Variants in DHX30 observed in about 807,000 individuals in gnomAD.
DHX30 encodes the protein DExH-box helicase 30.
Under a neutral mutation model 116.9 loss-of-function variants are expected in DHX30, and 4 were observed. The observed-to-expected ratio is 0.03, with a 90% confidence interval of 0.02 to 0.08. The LOEUF (loss-of-function observed/expected upper bound fraction) is 0.08, where lower values mean the gene tolerates loss of function less well. DHX30 is among the 10% of genes least tolerant of loss of function. The pLI, the probability that DHX30 is intolerant of heterozygous loss-of-function variation, is 1.00. For synonymous variants in DHX30, 697 were observed against 651.7 expected (o/e 1.07, Z -1.06); for missense variants, 871 against 1,595.1 (o/e 0.55, Z 7.73).
chr3:47,807,703 C>CAAAAAAAAAAAA (rs1202083372), intron 2 of DHX30, among the ~76,000 whole-genome samples: 13 of 32,724 alleles, frequency 4.0e-4, no homozygotes, highest in Non-Finnish European at 5.6e-4. Context: ...GACTCTGTCT[C>CAAAAAAAAAAAA]AAAAAAAAAA....
chr3:47,816,286 A>AG, intron 3 of DHX30: 1 of 985,230 alleles, frequency 1.0e-6, no homozygotes, highest in Non-Finnish European at 1.2e-6. Context: ...GTGCTTGGGA[A>AG]GATGCTTTGG....
rs748607787 is a variant in DHX30 at position 47,848,003 on chromosome 3, C to T, written c.2286+47C>T. 11 of 1,605,558 alleles carry T rather than the reference C, an allele frequency of 6.9e-6. No homozygotes were observed. Among genetic ancestry groups the T allele is most frequent in the African/African-American group, 4.0e-5 (3 of 74,782 alleles). The stretch of plus-strand genomic sequence containing the variant: ...CGGCCAACCACTGGGGGAGGGACTC[C>T]GTTTTGAGGTGGTCCCCAGCCCAGA... On this transcript the variant is annotated intron_variant, in intron 14 of 21. Coordinates refer to ENST00000445061, the MANE Select transcript of DHX30 (RefSeq NM_138615.3). This position sits in a 1 kb window ranked among gnomAD's most constrained non-coding sequence, Gnocchi z 9.4.
At position 47,849,360 on chromosome 3, in the gene DHX30, T is replaced by G. The variant is rs374950028; in HGVS notation, c.3087+11T>G. ...CCCAACCTCATCCAGGTGCTGCCTC[T>G]GGGAGGGAATGGAGTTCACCAGGTC... is the stretch of plus-strand genomic sequence containing the variant. On this transcript the variant is annotated intron_variant, in intron 19 of 21. Coordinates refer to ENST00000445061, the MANE Select transcript of DHX30 (RefSeq NM_138615.3). The G allele has an allele frequency of 1.3e-5, 21 of 1,607,010 alleles. No individual in the cohort carries two copies. Among genetic ancestry groups the G allele is most frequent in the Non-Finnish European group, 3.4e-6 (4 of 1,175,658 alleles).
At chr3:47,808,965 T>G (rs547730072) in intron 2 of DHX30, among the ~76,000 whole-genome samples, 1 of 152,154 alleles carries the variant, frequency 6.6e-6, no homozygotes, top group Non-Finnish European at 1.5e-5. Flanking sequence ...CTCGGCTCAC[T>G]GCAACCTCTG....
intron 4 of DHX30, among the ~76,000 whole-genome samples, chr3:47,821,182 C>T (rs1464234044): frequency 2.0e-5 from 3 of 152,198 alleles, no homozygotes; most frequent in Non-Finnish European, 4.4e-5. Context: ...TCTCCAACTC[C>T]TGGGCTCAAG....
At chr3:47,829,243 G>A in intron 6 of DHX30, 109 bp downstream of exon 6, 1 of 426,816 alleles carries the variant, frequency 2.3e-6, no homozygotes, top group Admixed American at 4.8e-5. Context: ...CCTGCCCTGA[G>A]CCCTTCCCAC....
Position 47,847,404 on chromosome 3 carries a change from T to G in DHX30, c.2006-28T>G. 3 of 1,614,134 alleles carry G rather than the reference T, an allele frequency of 1.9e-6. No homozygotes were observed. The highest frequency in any genetic ancestry group is 2.5e-6 in the Non-Finnish European group (3 of 1,179,958). On this transcript the variant is annotated intron_variant, in intron 12 of 21. Transcript: ENST00000445061. The surrounding 1 kb of genome is among the most constrained non-coding windows in gnomAD (Gnocchi z 5.5). ...CCCTGGCCACGTTTGCAGCAACAGCTGGCTCATGCCCCAGGGCTCCTTTAC... is the reference window on the plus strand; with the variant it reads ...CCCTGGCCACGTTTGCAGCAACAGCGGGCTCATGCCCCAGGGCTCCTTTAC...
At chr3:47,804,477 C>G (rs889376243) in intron 1 of DHX30, among the ~76,000 whole-genome samples, 5 of 152,294 alleles carry the variant, frequency 3.3e-5, no homozygotes, top group Admixed American at 6.5e-5. Context: ...ATTGCTTGAA[C>G]CCAGGAGGCC....
At position 47,848,567 on chromosome 3, in the gene DHX30, C is replaced by T. The variant is rs770676674; in HGVS notation, c.2575+17C>T. 1.5e-6 allele frequency: 2 copies of T among 1,359,726 alleles called. No individual in the cohort carries two copies. Among genetic ancestry groups the T allele is most frequent in the Non-Finnish European group, 2.0e-6 (2 of 976,554 alleles). 84.2% of individuals were successfully genotyped at this position (1,359,726 alleles called of 1,614,324 possible). A position where few individuals can be genotyped will look rare whatever the true frequency, so the allele number is the denominator to read the frequency against. On this transcript the variant is annotated intron_variant, in intron 16 of 21. Coordinates refer to ENST00000445061, the MANE Select transcript of DHX30 (RefSeq NM_138615.3). The surrounding 1 kb of genome is among the most constrained non-coding windows in gnomAD (Gnocchi z 9.4). ...AGGAGATCGGTATGTAGGGGCTGGGCTGGGCTGGGCTGGGGAGTGGCTCTC... is the reference window on the plus strand; with the variant it reads ...AGGAGATCGGTATGTAGGGGCTGGGTTGGGCTGGGCTGGGGAGTGGCTCTC...
intron 1 of DHX30, 50 bp from the exon 2 acceptor site, chr3:47,805,276 T>G (rs2035465885): frequency 2.5e-6 from 1 of 398,822 alleles, no homozygotes; most frequent in African/African-American, 2.1e-5. Context: ...GGAGCAACTT[T>G]CTTTCCCTAT....
rs760235118 is a variant in DHX30, at chr3:47,841,007, G to A, written c.497G>A (p.Arg166Gln). The change falls in exon 7 of 22, where the codon CGG becomes CAG. Residue 166 changes from arginine to glutamine, a missense_variant. Around this residue, in one of 13 missense-constraint regions of DHX30, gnomAD observed 109 missense variants for 118.8 expected, o/e 0.92. Coordinates refer to ENST00000445061, the MANE Select transcript of DHX30 (RefSeq NM_138615.3). ...CCCACCATGCCCCCTACTTCCTGGC[G>A]GCAGCTGAATCCAGAGAGTATTCGA... ...PEPTMPPTSWRQLNPESIRPG... is the reference protein window; with the variant it reads ...PEPTMPPTSWQQLNPESIRPG... 14 of 1,614,114 alleles carry A rather than the reference G, an allele frequency of 8.7e-6. No homozygotes were observed. Among genetic ancestry groups the A allele is most frequent in the South Asian group, 5.5e-5 (5 of 91,090 alleles).
intron 6 of DHX30, among the ~76,000 whole-genome samples, chr3:47,833,852 C>G (rs1426690093): frequency 4.6e-5 from 7 of 151,474 alleles, no homozygotes; most frequent in Non-Finnish European, 1.0e-4. Context: ...GAGCAAAACT[C>G]CATCTCCAAA....
At position 47,849,924 on chromosome 3, in the gene DHX30, G is replaced by A; in HGVS notation, c.3389G>A (p.Gly1130Asp). The change falls in exon 22 of 22, where the codon GGT becomes GAT. Residue 1130 changes from glycine (G) to aspartate (D), a missense_variant. Physicochemically the swap from Gly to Asp is moderately conservative, Grantham distance 94 (BLOSUM62 -1). This residue lies in a region of DHX30 where 238 missense variants were observed against 481.0 expected (regional missense o/e 0.49). Coordinates refer to ENST00000445061, the MANE Select transcript of DHX30 (RefSeq NM_138615.3). ...GACAGTGACCTGCTGCGGCTGGAGG[G>A]TGACTCGCGTACCGTGCGGCTGCTG... ...LSDSDLLRLE[G>D]DSRTVRLLKE... is the part of the protein sequence containing the mutation. The A allele has an allele frequency of 6.2e-7, 1 of 1,613,360 alleles. No individual in the cohort carries two copies. The highest frequency in any genetic ancestry group is 8.5e-7 in the Non-Finnish European group (1 of 1,179,830).
Position 47,846,185 on chromosome 3 carries a change from G to C in DHX30, c.1113G>C (p.Trp371Cys), listed in dbSNP as rs1193441976. The change falls in exon 11 of 22, where the codon TGG (tryptophan) becomes TGC (cysteine). Residue 371 changes from tryptophan (W) to cysteine (C), a missense_variant. By Grantham distance (215) the Trp-to-Cys change is radical. Around this residue, in one of 13 missense-constraint regions of DHX30, gnomAD observed 175 missense variants for 292.9 expected, o/e 0.60. Coordinates refer to ENST00000445061, the MANE Select transcript of DHX30 (RefSeq NM_138615.3). Reference sequence around the variant, plus strand: ...TCCAGTACCCTGTGGAGAGTTCATGGATCGCCCCAGAACTCCGGCTGCAGA... The same window carrying C: ...TCCAGTACCCTGTGGAGAGTTCATGCATCGCCCCAGAACTCCGGCTGCAGA... The part of the protein sequence containing the change: ...FLNHYPVESS[W>C]IAPELRLQSD... 1.9e-6 allele frequency: 3 copies of C among 1,613,274 alleles called. No homozygotes were observed. The highest frequency in any genetic ancestry group is 2.5e-6 in the Non-Finnish European group (3 of 1,179,936).
intron 3 of DHX30, 71 bp from the exon 4 acceptor site, chr3:47,817,951 G>A (rs2036132110): frequency 7.7e-6 from 6 of 780,462 alleles, no homozygotes; most frequent in Non-Finnish European, 9.6e-6. Flanking sequence ...TGCTCTGAGT[G>A]AGTCAGTTCA....
rs1559729355 is a variant in DHX30 at position 47,850,121 on chromosome 3, G to GC, written c.*4dup. On this transcript the variant is annotated 3_prime_UTR_variant, in exon 22 of 22. Coordinates refer to ENST00000445061, the MANE Select transcript of DHX30 (RefSeq NM_138615.3). ...TGTGCGCAAGACAGCTGACGACTGA[G>GC]CCCTGCTTCTGCTGGGGCTGTGTAC... is the stretch of plus-strand genomic sequence containing the variant. 4 of 1,584,278 alleles carry GC rather than the reference G, an allele frequency of 2.5e-6. No homozygotes were observed. The highest frequency in any genetic ancestry group is 3.4e-6 in the Non-Finnish European group (4 of 1,167,968).
chr3:47,841,396 C>T (rs895570761), intron 7 of DHX30, among the ~76,000 whole-genome samples: 3 of 152,256 alleles, frequency 2.0e-5, no homozygotes, highest in African/African-American at 7.2e-5. Flanking sequence ...CATGGAGCCC[C>T]TGCTCTCTGC....
intron 4 of DHX30, among the ~76,000 whole-genome samples, chr3:47,820,159 A>G (rs2036234905): frequency 6.6e-6 from 1 of 152,134 alleles, no homozygotes; most frequent in Non-Finnish European, 1.5e-5. Flanking sequence ...CTAAACATAC[A>G]AAAAATTAGC....
rs141645399 is a variant in DHX30 at position 47,849,627 on chromosome 3, T to C, written c.3192-3T>C. On this transcript the variant is annotated splice_region_variant and splice_polypyrimidine_tract_variant and intron_variant, in intron 20 of 21. Transcript: ENST00000445061. ...GTGGCCTCACCAGCCCTGTGTTCCC[T>C]AGGGAGGCCACACGGTTACGGAGCC... 6.5e-4 allele frequency: 1,055 copies of C among 1,614,082 alleles called. 6 individuals are homozygous for C. Among genetic ancestry groups the C allele is most frequent in the Middle Eastern group, 4.9e-4 (3 of 6,062 alleles).
Sources: allele counts gnomAD v4.1 joint callset (sites outside exome capture counted in the v4.1 genomes callset), GRCh38; gene constraint gnomAD v4.1.1; regional missense constraint gnomAD v4.1.1; non-coding constraint Gnocchi (gnomAD v3.1); transcripts MANE v1.5; gene names NCBI Gene and HGNC (gene_info 2026-07-23, HGNC 2026-07-21).